TLK1: variants seen among roughly 807,000 people sequenced by gnomAD.
TLK1 encodes the protein tousled like kinase 1.
In TLK1, 24 loss-of-function variants were observed where a neutral mutation model predicts 105.3. The observed-to-expected ratio is 0.23, with a 90% CI of 0.17 to 0.32. TLK1 has a LOEUF of 0.32. Among genes scored for constraint, TLK1 ranks in the 10% least tolerant of loss-of-function variants. The probability of loss-of-function intolerance (pLI) is 1.00; values close to 1 mark genes in which losing one functional copy is unlikely to be tolerated. For missense variants in TLK1, 558 were observed against 910.5 expected (o/e 0.61, Z 4.98); for synonymous variants, 321 against 310.4 (o/e 1.03, Z -0.36).
intron 1 of TLK1, among the ~76,000 whole-genome samples, chr2:171,148,036 G>A (rs187259228): frequency 9.9e-5 from 15 of 152,066 alleles, no homozygotes; most frequent in African/African-American, 3.4e-4. Flanking sequence ...GATTTCAGGC[G>A]TGTGCCACCA....
In TLK1 at chr2:170,997,187, C is replaced by T. The variant is rs562426374; in HGVS notation, c.2017-427G>A. 3.9e-5 allele frequency among the ~76,000 whole-genome samples: 6 copies of T among 152,254 alleles called. No individual in the cohort carries two copies. In the South Asian group the frequency reaches 1.2e-3, roughly 32 times the overall value. On this transcript the variant is annotated intron_variant, in intron 19 of 20. Transcript: ENST00000431350. ...CTCTGGATTTGGAGTGAGGAGATCCCACACAAATCCCTTAACCTCTCTTCC... is the reference window on the plus strand; with the variant it reads ...CTCTGGATTTGGAGTGAGGAGATCCTACACAAATCCCTTAACCTCTCTTCC...
At chr2:171,057,009 C>T (rs979002520) in intron 5 of TLK1, among the ~76,000 whole-genome samples, 1 of 151,996 alleles carries the variant, frequency 6.6e-6, no homozygotes, top group African/African-American at 2.4e-5. Context: ...ATATCATTCT[C>T]AAGATACCCA....
At chr2:171,136,724 C>A (rs1054141839) in intron 1 of TLK1, among the ~76,000 whole-genome samples, 1 of 152,130 alleles carries the variant, frequency 6.6e-6, no homozygotes, top group Non-Finnish European at 1.5e-5. Context: ...TATGAAAAGT[C>A]AGAGAAACAT....
chr2:171,165,076 A>G (rs571023899), upstream of TLK1, among the ~76,000 whole-genome samples: 1 of 152,348 alleles, frequency 6.6e-6, no homozygotes, highest in Admixed American at 6.5e-5. Context: ...TCTGTAGGGA[A>G]GAAGAAATCT....
Position 171,043,741 on chromosome 2 carries a change from T to A in TLK1, c.1169+2433A>T, listed in dbSNP as rs145872045. On this transcript the variant is annotated intron_variant, in intron 11 of 20. Coordinates refer to ENST00000431350, the MANE Select transcript of TLK1 (RefSeq NM_012290.5). ...GAGTTAAAGCTAACACATACTTTGC[T>A]TTTTTTTTCTTTTAAAGAAATAGAG... is the stretch of plus-strand genomic sequence containing the variant. Among the ~76,000 whole-genome samples the A allele has an allele frequency of 1.7e-4, 26 of 151,578 alleles. No homozygotes were observed. The East Asian group carries it at 5.0e-3, about 29-fold the overall frequency.
chr2:170,997,890 T>C (rs767158546), intron 18 of TLK1, 67 bp from the exon 19 acceptor site: 4 of 981,820 alleles, frequency 4.1e-6, no homozygotes, highest in African/African-American at 1.6e-5. Flanking sequence ...CTTCTAAGTG[T>C]AAAATCTTAG....
chr2:171,208,112 CTTCTTTTTTCTTT>C (rs1233035654), intron 1 of TLK1, among the ~76,000 whole-genome samples: 2 of 152,046 alleles, frequency 1.3e-5, no homozygotes, highest in African/African-American at 2.4e-5. Flanking sequence ...CTGATTTAGT[CTTCTTTTTTCTTT>C]TTCTTTTTTT....
At chr2:171,191,123 G>GCTAGAT (rs1270602679) in intron 1 of TLK1, among the ~76,000 whole-genome samples, 7 of 151,652 alleles carry the variant, frequency 4.6e-5, no homozygotes, top group African/African-American at 1.5e-4. Flanking sequence ...TCACGCCACT[G>GCTAGAT]CACTCTAGCC....
chr2:171,092,849 AT>A (rs890498052), intron 2 of TLK1, among the ~76,000 whole-genome samples: 9 of 151,426 alleles, frequency 5.9e-5, no homozygotes, highest in African/African-American at 1.9e-4. Flanking sequence ...AGATGGGTAC[AT>A]TTTTTTTTAC....
intron 10 of TLK1, among the ~76,000 whole-genome samples, chr2:171,049,574 A>G (rs546155805): frequency 6.6e-6 from 1 of 152,312 alleles, no homozygotes; most frequent in South Asian, 2.1e-4. Context: ...GGTTCAATTA[A>G]TATCTCGGAA....
chr2:171,134,048 CA>C (rs1261408077), intron 1 of TLK1, among the ~76,000 whole-genome samples: 1 of 152,062 alleles, frequency 6.6e-6, no homozygotes, highest in Admixed American at 6.6e-5. Flanking sequence ...ACAATCATTT[CA>C]AGTTTTTTTC....
chr2:171,163,325 C>G (rs1007936986), upstream of TLK1, among the ~76,000 whole-genome samples: 12 of 152,190 alleles, frequency 7.9e-5, no homozygotes, highest in African/African-American at 1.2e-4. Flanking sequence ...GCTTTCCTTT[C>G]CCTTGGATAC....
intron 1 of TLK1, among the ~76,000 whole-genome samples, chr2:171,152,909 A>G (rs1692098337): frequency 6.6e-6 from 1 of 152,006 alleles, no homozygotes; most frequent in South Asian, 2.1e-4. Flanking sequence ...GACAAAACTT[A>G]TCTTAAAAAA....
chr2:171,216,864 G>A (rs762583099), intron 1 of TLK1, among the ~76,000 whole-genome samples: 10 of 152,186 alleles, frequency 6.6e-5, no homozygotes, highest in Non-Finnish European at 1.0e-4. Flanking sequence ...GACAGCCAGC[G>A]AACCATCAGA....
intron 1 of TLK1, among the ~76,000 whole-genome samples, chr2:171,156,531 T>G (rs79132830): frequency 0.016 from 2,415 of 152,336 alleles, 62 homozygotes; most frequent in African/African-American, 0.052. Flanking sequence ...CTATTTCTCA[T>G]AAGATTTTCA....
chr2:171,221,209 A>G (rs895920349), intron 1 of TLK1, among the ~76,000 whole-genome samples: 4 of 152,170 alleles, frequency 2.6e-5, no homozygotes, highest in African/African-American at 9.7e-5. Context: ...AATATCTGTT[A>G]TCATTACTTA....
At chr2:171,152,138 A>T (rs1017114824) in intron 1 of TLK1, among the ~76,000 whole-genome samples, 5 of 152,190 alleles carry the variant, frequency 3.3e-5, no homozygotes, top group African/African-American at 1.2e-4. Context: ...CTAGTAGTTT[A>T]TTTACTCCAG....
intron 3 of TLK1, among the ~76,000 whole-genome samples, chr2:171,064,413 T>C (rs1417040040): frequency 6.6e-6 from 1 of 152,178 alleles, no homozygotes; most frequent in Non-Finnish European, 1.5e-5. Context: ...CTACTGATCA[T>C]GACCAATGAT....
At chr2:171,042,423 A>T (rs1457400474) in intron 11 of TLK1, among the ~76,000 whole-genome samples, 12 of 150,454 alleles carry the variant, frequency 8.0e-5, no homozygotes, top group African/African-American at 9.8e-5. Flanking sequence ...TTTTTTTTTT[A>T]TTTTTGTAAG....
Sources: gnomAD v4.1 joint callset for allele counts (sites outside exome capture counted in the v4.1 genomes callset) on GRCh38, gnomAD v4.1.1 for gene constraint, MANE v1.5 for transcripts, NCBI Gene and HGNC (gene_info 2026-07-23, HGNC 2026-07-21) for gene names.